The following WDR64 variants were observed in gnomAD, a reference collection of about 807,000 sequenced individuals.
The protein encoded by WDR64 is WD repeat-containing protein 64.
In WDR64, 112 loss-of-function variants were observed where a neutral mutation model predicts 139.3. The observed-to-expected ratio is 0.80, with a 90% CI of 0.69 to 0.94. The LOEUF (loss-of-function observed/expected upper bound fraction) is 0.94. Among genes scored for constraint, WDR64 ranks in the 40% least tolerant of loss-of-function variants. WDR64 has a pLI of 0.00. For synonymous variants in WDR64, 444 were observed against 437.7 expected (o/e 1.01, Z -0.18); for missense variants, 1,206 against 1,293.1 (o/e 0.93, Z 1.03).
rs75682223 is a variant in WDR64, at chr1:241,663,484, C to T, written c.276+2824C>T. Among the ~76,000 whole-genome samples, 456 of 152,340 alleles carry T rather than the reference C, an allele frequency of 3.0e-3. 21 individuals are homozygous for T. In the South Asian group the frequency reaches 0.072, roughly 24 times the overall value. On this transcript the variant is annotated intron_variant, in intron 2 of 27. Transcript: ENST00000437684. ...GTACACACCAGTGGTGTGCAACCCA[C>T]CCTCATATGGTGGATAAGAGGCTTC... is the stretch of plus-strand genomic sequence containing the variant.
intron 9 of WDR64, among the ~76,000 whole-genome samples, chr1:241,715,238 A>G (rs1287679753): frequency 6.6e-6 from 1 of 152,234 alleles, no homozygotes; most frequent in Non-Finnish European, 1.5e-5. Context: ...CAAACTAATT[A>G]CAGTTATTTA....
At chr1:241,781,196 GA>G (rs2148315769) in intron 22 of WDR64, among the ~76,000 whole-genome samples, 1 of 152,272 alleles carries the variant, frequency 6.6e-6, no homozygotes, top group African/African-American at 2.4e-5. Flanking sequence ...AAACTTTAGA[GA>G]AAATCTTCAA....
chr1:241,655,406 A>G (rs950446680), intron 1 of WDR64, among the ~76,000 whole-genome samples: 1 of 152,116 alleles, frequency 6.6e-6, no homozygotes, highest in African/African-American at 2.4e-5. Context: ...CCCCCAAAAA[A>G]TAGTCTTTTT....
chr1:241,667,555 A>G (rs1025599039), intron 2 of WDR64, among the ~76,000 whole-genome samples: 1 of 152,172 alleles, frequency 6.6e-6, no homozygotes, highest in Non-Finnish European at 1.5e-5. Context: ...GAAACAGAAG[A>G]GGAAGAAAGA....
At chr1:241,756,813 C>T (rs72770222) in intron 14 of WDR64, among the ~76,000 whole-genome samples, 24,582 of 152,108 alleles carry the variant, frequency 0.16, 2,371 homozygotes, top group Middle Eastern at 0.33. Flanking sequence ...AAATTGGCAT[C>T]CTGAACATCC....
At position 241,683,566 on chromosome 1, in the gene WDR64, GA is replaced by G; in HGVS notation, c.705del (p.Asp236MetfsTer12). 1 of 1,551,652 alleles carries G rather than the reference GA, an allele frequency of 6.4e-7. No individual in the cohort carries two copies. Among genetic ancestry groups the G allele is most frequent in the Non-Finnish European group, 8.7e-7 (1 of 1,146,994 alleles). On this transcript the variant is annotated frameshift_variant, in exon 7 of 28. Transcript: ENST00000437684. LOFTEE classifies it high-confidence loss of function. ...GTGCCTTTGCCTGACCATCTCTGCC[GA>G]GATGACATCCTCTTGGGGGATGATG... ...CVVPLPDHLC[R>X]DDILLGDDGG...
rs2148339384 is a variant in WDR64 at position 241,801,748 on chromosome 1, G to A, written c.*533G>A. On this transcript the variant is annotated 3_prime_UTR_variant, in exon 28 of 28. Transcript: ENST00000437684. ...CAAAGTCAGAAATTATTTCTATGTAGTCCAGACCTGACTCCAGATAAATAT... is the reference window on the plus strand; with the variant it reads ...CAAAGTCAGAAATTATTTCTATGTAATCCAGACCTGACTCCAGATAAATAT... 2.5e-6 allele frequency: 1 copy of A among 398,368 alleles called. No individual in the cohort carries two copies. The highest frequency in any genetic ancestry group is 4.4e-6 in the Non-Finnish European group (1 of 226,004). 24.7% of individuals were successfully genotyped at this position (398,368 alleles called of 1,614,324 possible). A position where few individuals can be genotyped will look rare whatever the true frequency, so the allele number is the denominator to read the frequency against.
chr1:241,781,014 G>A (rs1348718108), intron 22 of WDR64, among the ~76,000 whole-genome samples: 1 of 152,176 alleles, frequency 6.6e-6, no homozygotes, highest in African/African-American at 2.4e-5. Context: ...GCTGCAAGCT[G>A]AACAAAAACA....
intron 15 of WDR64, among the ~76,000 whole-genome samples, chr1:241,765,112 AG>A (rs1246224262): frequency 1.3e-5 from 2 of 152,094 alleles, no homozygotes; most frequent in African/African-American, 4.8e-5. Flanking sequence ...GCTTGAGCCC[AG>A]GAAGTCGAGG....
At chr1:241,674,530 C>T (rs1666387701) in intron 3 of WDR64, 114 bp from the exon 4 acceptor site, 2 of 614,870 alleles carry the variant, frequency 3.3e-6, no homozygotes, top group South Asian at 2.1e-5. Context: ...TCTGGGATTA[C>T]AGGAGTGAGC....
chr1:241,739,906 C>T (rs566680208), intron 11 of WDR64, among the ~76,000 whole-genome samples: 7 of 152,312 alleles, frequency 4.6e-5, no homozygotes, highest in Admixed American at 1.3e-4. Context: ...ACCATCAGTC[C>T]TCTAAATCCC....
chr1:241,764,802 G>C (rs1658080253), intron 15 of WDR64, among the ~76,000 whole-genome samples: 1 of 152,198 alleles, frequency 6.6e-6, no homozygotes, highest in Non-Finnish European at 1.5e-5. Flanking sequence ...AGTTGGGAGA[G>C]GAGGGCACTG....
Position 241,788,966 on chromosome 1 carries a change from G to T in WDR64, c.2891+932G>T, listed in dbSNP as rs78371126. 4.8e-3 allele frequency among the ~76,000 whole-genome samples: 733 copies of T among 152,240 alleles called. 1 individual carries two copies. Among genetic ancestry groups the T allele is most frequent in the Non-Finnish European group, 8.2e-3 (558 of 68,024 alleles). ...TCATATATCCTAGTACTTAAGACAG[G>T]ATTCTAATTTGTCCATATGCATCTT... On this transcript the variant is annotated intron_variant, in intron 24 of 27. Coordinates refer to ENST00000437684, the MANE Select transcript of WDR64 (RefSeq NM_001367482.1).
At chr1:241,728,699 T>C (rs1297486986) in intron 10 of WDR64, among the ~76,000 whole-genome samples, 3 of 152,186 alleles carry the variant, frequency 2.0e-5, no homozygotes, top group Admixed American at 6.5e-5. Context: ...CTGACGAATG[T>C]TGAAAAATGC....
At chr1:241,714,721 T>C (rs1033217511) in intron 9 of WDR64, among the ~76,000 whole-genome samples, 48 of 152,224 alleles carry the variant, frequency 3.2e-4, no homozygotes, top group African/African-American at 1.1e-3. Context: ...TATAGTAGCC[T>C]ATTGGCAAGC....
intron 13 of WDR64, among the ~76,000 whole-genome samples, chr1:241,747,285 C>T (rs1669799311): frequency 6.6e-6 from 1 of 152,100 alleles, no homozygotes. Context: ...CATACACACA[C>T]GAGTGCACGT....
intron 6 of WDR64, among the ~76,000 whole-genome samples, chr1:241,680,199 A>G (rs1666724700): frequency 6.6e-6 from 1 of 152,174 alleles, no homozygotes; most frequent in Admixed American, 6.5e-5. Context: ...GAGATCACTG[A>G]GCACCGAGGT....
intron 10 of WDR64, among the ~76,000 whole-genome samples, chr1:241,725,361 G>A (rs1668767113): frequency 6.6e-6 from 1 of 151,744 alleles, no homozygotes; most frequent in Non-Finnish European, 1.5e-5. Flanking sequence ...AAATGAAAGA[G>A]GGAAGGGAAG....
At chr1:241,791,978 A>C (rs190705804) in intron 25 of WDR64, among the ~76,000 whole-genome samples, 1 of 152,304 alleles carries the variant, frequency 6.6e-6, no homozygotes, top group Non-Finnish European at 1.5e-5. Context: ...ACAGATATAA[A>C]ATGATTCTTT....
Sources: allele counts gnomAD v4.1 joint callset (sites outside exome capture counted in the v4.1 genomes callset), GRCh38; gene constraint gnomAD v4.1.1; transcripts MANE v1.5; gene names NCBI Gene and HGNC (gene_info 2026-07-23, HGNC 2026-07-21).